Variants in CTNNA3 observed in about 807,000 individuals in gnomAD.
CTNNA3 encodes catenin alpha-3.
CTNNA3 carries 76 observed loss-of-function variants against 95.7 expected under a neutral mutation model. That is an observed-to-expected ratio of 0.79 (90% CI 0.66 to 0.96). The LOEUF (loss-of-function observed/expected upper bound fraction) is 0.96, where lower values mean the gene tolerates loss of function less well. Among genes scored for constraint, CTNNA3 ranks in the 40% least tolerant of loss-of-function variants. The probability of loss-of-function intolerance (pLI) is 0.00; values close to 1 mark genes in which losing one functional copy is unlikely to be tolerated. For missense variants in CTNNA3, 1,191 were observed against 1,089.8 expected (o/e 1.09, Z -1.31); for synonymous variants, 431 against 374.4 (o/e 1.15, Z -1.74).
At chr10:66,374,345 A>G (rs2092776932) in intron 12 of CTNNA3, among the ~76,000 whole-genome samples, 1 of 152,164 alleles carries the variant, frequency 6.6e-6, no homozygotes, top group South Asian at 2.1e-4. Context: ...TCCTTTGCAA[A>G]GGTGGTGGCA....
At chr10:66,878,571 C>T (rs1844718086) in intron 7 of CTNNA3, among the ~76,000 whole-genome samples, 1 of 152,046 alleles carries the variant, frequency 6.6e-6, no homozygotes, top group Admixed American at 6.6e-5. Context: ...TTTTGATGTT[C>T]TAAATGGAGC....
intron 7 of CTNNA3, among the ~76,000 whole-genome samples, chr10:67,104,814 TCAC>T (rs1263976948): frequency 6.6e-6 from 1 of 151,996 alleles, no homozygotes; most frequent in African/African-American, 2.4e-5. Context: ...CTAAAAATGA[TCAC>T]GTCTATAACT....
intron 3 of CTNNA3, among the ~76,000 whole-genome samples, chr10:67,587,730 G>T (rs1842679900): frequency 6.6e-6 from 1 of 152,028 alleles, no homozygotes; most frequent in Non-Finnish European, 1.5e-5. Flanking sequence ...TGAGCTTCCT[G>T]TATCTGGATA....
intron 12 of CTNNA3, among the ~76,000 whole-genome samples, chr10:66,368,394 C>T (rs554578519): frequency 6.6e-6 from 1 of 151,876 alleles, no homozygotes; most frequent in South Asian, 2.1e-4. Context: ...TTTCCAGCTG[C>T]TTTCTATCTT....
At chr10:67,149,311 T>G (rs1016100486) in intron 7 of CTNNA3, among the ~76,000 whole-genome samples, 1 of 151,944 alleles carries the variant, frequency 6.6e-6, no homozygotes, top group Non-Finnish European at 1.5e-5. Flanking sequence ...AGAGGCCGGG[T>G]GCAGTGGCTC....
At chr10:67,475,061 G>C (rs1268290371) in intron 5 of CTNNA3, among the ~76,000 whole-genome samples, 2 of 152,106 alleles carry the variant, frequency 1.3e-5, no homozygotes, top group Middle Eastern at 6.8e-3. Flanking sequence ...AGCAAATTGT[G>C]ACACAGCCAT....
At chr10:66,560,332 C>T (rs1842514973) in intron 10 of CTNNA3, among the ~76,000 whole-genome samples, 1 of 145,776 alleles carries the variant, frequency 6.9e-6, no homozygotes, top group South Asian at 2.1e-4. Context: ...TAACCTACCT[C>T]ATGGCACTGT....
chr10:66,909,409 T>C lies in CTNNA3; in HGVS notation c.1048-133885A>G, dbSNP rs149701584. Among the ~76,000 whole-genome samples, 540 of 150,590 alleles carry C rather than the reference T, an allele frequency of 3.6e-3. 2 individuals carry two copies. The highest frequency in any genetic ancestry group is 0.013 in the African/African-American group (512 of 40,882). The stretch of plus-strand genomic sequence containing the variant: ...CCTGTAATCCCATCTACTCAGGAGG[T>C]TGATGCAGGAGAATTGCTTGAACCC... On this transcript the variant is annotated intron_variant, in intron 7 of 17. Coordinates refer to ENST00000433211, the MANE Select transcript of CTNNA3 (RefSeq NM_013266.4).
intron 7 of CTNNA3, among the ~76,000 whole-genome samples, chr10:66,821,167 A>C (rs1304474789): frequency 6.6e-6 from 1 of 152,176 alleles, no homozygotes; most frequent in Admixed American, 6.6e-5. Flanking sequence ...TTTCCTTGTA[A>C]ATTTTGTGAT....
intron 7 of CTNNA3, among the ~76,000 whole-genome samples, chr10:66,810,995 T>C (rs925980552): frequency 6.6e-6 from 1 of 152,152 alleles, no homozygotes; most frequent in African/African-American, 2.4e-5. Flanking sequence ...GGAGACTCAG[T>C]TGGGTTTCAG....
chr10:67,112,960 C>T (rs1030446155), intron 7 of CTNNA3, among the ~76,000 whole-genome samples: 1 of 152,120 alleles, frequency 6.6e-6, no homozygotes, highest in Non-Finnish European at 1.5e-5. Context: ...TGCTTCATCC[C>T]CAGTGAGTAC....
chr10:67,599,176 A>C (rs1210334630), intron 3 of CTNNA3, among the ~76,000 whole-genome samples: 1 of 152,204 alleles, frequency 6.6e-6, no homozygotes, highest in Non-Finnish European at 1.5e-5. Context: ...TAAAAAGGCT[A>C]CACAAACTCC....
At chr10:66,618,635 A>T (rs1564571856) in intron 10 of CTNNA3, among the ~76,000 whole-genome samples, 1 of 152,212 alleles carries the variant, frequency 6.6e-6, no homozygotes, top group Non-Finnish European at 1.5e-5. Context: ...AATACTATTC[A>T]GGACATAGGC....
At chr10:66,417,773 A>G (rs1396828125) in intron 11 of CTNNA3, among the ~76,000 whole-genome samples, 2 of 151,976 alleles carry the variant, frequency 1.3e-5, no homozygotes, top group African/African-American at 4.8e-5. Flanking sequence ...ATGCCCCTGA[A>G]CAACCATTGT....
At chr10:66,828,738 T>C (rs575271984) in intron 7 of CTNNA3, among the ~76,000 whole-genome samples, 72 of 152,358 alleles carry the variant, frequency 4.7e-4, no homozygotes, top group African/African-American at 1.6e-3. Flanking sequence ...TTTACTGCAC[T>C]ATTCCAGACA....
chr10:67,647,408 T>G lies in CTNNA3; in HGVS notation c.99+7A>C. 6.2e-7 allele frequency: 1 copy of G among 1,601,456 alleles called. No homozygotes were observed. Among genetic ancestry groups the G allele is most frequent in the Non-Finnish European group, 8.6e-7 (1 of 1,169,194 alleles). On this transcript the variant is annotated splice_region_variant and intron_variant, in intron 2 of 17. Transcript: ENST00000433211. ...ACTATATATCATAATTTCCATGGTA[T>G]TAATACCTGGATTATGAGAGGCTCC...
At chr10:66,269,793 C>T (rs1262052227) in intron 13 of CTNNA3, among the ~76,000 whole-genome samples, 2 of 152,110 alleles carry the variant, frequency 1.3e-5, no homozygotes, top group African/African-American at 2.4e-5. Flanking sequence ...AAGTCTCATC[C>T]GGGCTGTTCT....
intron 5 of CTNNA3, among the ~76,000 whole-genome samples, chr10:67,436,476 C>A (rs1297793310): frequency 6.6e-6 from 1 of 152,016 alleles, no homozygotes; most frequent in African/African-American, 2.4e-5. Flanking sequence ...ATAGCTGGGA[C>A]CTAATCAGAC....
intron 9 of CTNNA3, among the ~76,000 whole-genome samples, chr10:66,665,136 A>C (rs1846404240): frequency 6.6e-6 from 1 of 152,134 alleles, no homozygotes; most frequent in Admixed American, 6.6e-5. Context: ...TCTTGCCATC[A>C]TATCATGGTG....
Sources: allele counts gnomAD v4.1 joint callset (sites outside exome capture counted in the v4.1 genomes callset), GRCh38; gene constraint gnomAD v4.1.1; transcripts MANE v1.5; gene names NCBI Gene and HGNC (gene_info 2026-07-23, HGNC 2026-07-21).